VWA8: variants seen among roughly 807,000 people sequenced by gnomAD.
The protein encoded by VWA8 is von Willebrand factor A domain-containing protein 8.
A neutral mutation model predicts 241.5 loss-of-function variants in VWA8; 221 were observed. The ratio of observed to expected loss-of-function variants is 0.91; its 90% CI spans 0.82 to 1.02. The LOEUF (loss-of-function observed/expected upper bound fraction) is 1.02, where lower values mean the gene tolerates loss of function less well. Ranked by LOEUF, VWA8 falls within the 50% of genes least tolerant of loss-of-function variation. The pLI is 0.00. For synonymous variants in VWA8, 852 were observed against 827.1 expected (o/e 1.03, Z -0.52); for missense variants, 2,322 against 2,328.7 (o/e 1.00, Z 0.06).
chr13:41,778,911 G>C (rs1047238104), intron 19 of VWA8, among the ~76,000 whole-genome samples: 4 of 136,290 alleles, frequency 2.9e-5, no homozygotes, highest in Admixed American at 8.4e-5. Flanking sequence ...GCGCGATCTC[G>C]GCTCACTGCA....
Position 41,961,065 on chromosome 13 carries a change from G to A in VWA8, c.-50C>T. 5.2e-6 allele frequency: 7 copies of A among 1,349,724 alleles called. No homozygotes were observed. The highest frequency in any genetic ancestry group is 6.6e-6 in the Non-Finnish European group (7 of 1,054,848). The allele number at this position is 1,349,724 out of a possible 1,614,324, so 83.6% of individuals were successfully genotyped here. A position where few individuals can be genotyped will look rare whatever the true frequency, so the allele number is the denominator to read the frequency against. ...GGCGAGGGGGCTCGGGGATCGAGCGGCGTCCCGTGCAGGCACCGTGAGGCA... is the reference window on the plus strand; with the variant it reads ...GGCGAGGGGGCTCGGGGATCGAGCGACGTCCCGTGCAGGCACCGTGAGGCA... On this transcript the variant is annotated 5_prime_UTR_variant, in exon 1 of 45. Coordinates refer to ENST00000379310, the MANE Select transcript of VWA8 (RefSeq NM_015058.2).
chr13:41,883,501 A>G lies in VWA8; in HGVS notation c.976-10T>C. ...TCATAGGAAAGGAATCCTATGTAGG[A>G]GCAAAAATACATAGGAATGAGCAAA... On this transcript the variant is annotated splice_polypyrimidine_tract_variant and intron_variant, in intron 8 of 44. Coordinates refer to ENST00000379310, the MANE Select transcript of VWA8 (RefSeq NM_015058.2). 6.3e-7 allele frequency: 1 copy of G among 1,589,796 alleles called. No homozygotes were observed. Among genetic ancestry groups the G allele is most frequent in the Non-Finnish European group, 8.6e-7 (1 of 1,158,808 alleles).
At chr13:41,622,491 A>T (rs553431915) in intron 37 of VWA8, among the ~76,000 whole-genome samples, 13 of 152,318 alleles carry the variant, frequency 8.5e-5, no homozygotes, top group African/African-American at 2.6e-4. Flanking sequence ...ACTTAAAGGG[A>T]TCAAAAATTT....
chr13:41,924,036 A>G (rs1165345724), intron 2 of VWA8, among the ~76,000 whole-genome samples: 2 of 152,158 alleles, frequency 1.3e-5, no homozygotes, highest in African/African-American at 4.8e-5. Flanking sequence ...AAGGAACATA[A>G]TAATTCCCCA....
In VWA8 at chr13:41,701,344, A is replaced by T. The variant is rs574055579; in HGVS notation, c.3364+48T>A. ...TAGAGATTATTTTAATCCATCTTTTAAAAAAACATGTGCAGGAAGGAAAGA... is the reference window on the plus strand; with the variant it reads ...TAGAGATTATTTTAATCCATCTTTTTAAAAAACATGTGCAGGAAGGAAAGA... On this transcript the variant is annotated intron_variant, in intron 28 of 44. Transcript: ENST00000379310. The T allele has an allele frequency of 4.7e-6, 7 of 1,477,354 alleles. No individual in the cohort carries two copies. The South Asian group carries it at 1.1e-4, about 22-fold the overall frequency. The allele number at this position is 1,477,354 out of a possible 1,614,324, so 91.5% of individuals were successfully genotyped here.
intron 20 of VWA8, among the ~76,000 whole-genome samples, chr13:41,777,107 C>T (rs1482341173): frequency 1.3e-5 from 2 of 152,060 alleles, no homozygotes; most frequent in African/African-American, 2.4e-5. Flanking sequence ...TCATACGTTC[C>T]TCCATAAACA....
chr13:41,815,097 G>A (rs778420369), intron 16 of VWA8, among the ~76,000 whole-genome samples: 3 of 152,194 alleles, frequency 2.0e-5, no homozygotes, highest in Non-Finnish European at 4.4e-5. Flanking sequence ...GAGTAAACAT[G>A]CAGCTATCCA....
intron 12 of VWA8, among the ~76,000 whole-genome samples, chr13:41,833,770 T>C (rs1366514951): frequency 2.0e-5 from 3 of 152,194 alleles, no homozygotes; most frequent in Non-Finnish European, 4.4e-5. Context: ...GAGGTTTTTT[T>C]CCCTACTTTA....
chr13:41,574,268 T>A (rs1164092583), intron 43 of VWA8, among the ~76,000 whole-genome samples: 1 of 151,698 alleles, frequency 6.6e-6, no homozygotes, highest in Admixed American at 6.6e-5. Flanking sequence ...GTAACACTGC[T>A]ATATGCCAAC....
intron 2 of VWA8, among the ~76,000 whole-genome samples, chr13:41,921,985 T>C (rs1266418759): frequency 6.6e-6 from 1 of 152,206 alleles, no homozygotes; most frequent in Non-Finnish European, 1.5e-5. Flanking sequence ...AAGTCAATCC[T>C]AAGCCAATAG....
At chr13:41,787,586 A>G (rs1204870913) in intron 17 of VWA8, 43 bp from the exon 18 acceptor site, 1 of 1,227,216 alleles carries the variant, frequency 8.1e-7, no homozygotes, top group South Asian at 1.2e-5. Context: ...GCTTAAGTCA[A>G]AGCTTTCTGC....
intron 35 of VWA8, among the ~76,000 whole-genome samples, chr13:41,677,365 C>T (rs1432649411): frequency 6.6e-6 from 1 of 152,188 alleles, no homozygotes; most frequent in Non-Finnish European, 1.5e-5. Context: ...TCATTAGCTG[C>T]CACCATGGTG....
At chr13:41,668,356 T>A (rs1362354156) in intron 37 of VWA8, among the ~76,000 whole-genome samples, 2 of 152,150 alleles carry the variant, frequency 1.3e-5, no homozygotes, top group Non-Finnish European at 1.5e-5. Context: ...TAGATGGAGA[T>A]CAGGTTACTC....
chr13:41,586,392 A>C (rs1232760902), intron 42 of VWA8, among the ~76,000 whole-genome samples: 1 of 152,204 alleles, frequency 6.6e-6, no homozygotes, highest in Non-Finnish European at 1.5e-5. Flanking sequence ...AGGGAAACAA[A>C]GCTACTCCCC....
At chr13:41,918,849 A>G (rs1299427733) in intron 2 of VWA8, among the ~76,000 whole-genome samples, 8 of 152,224 alleles carry the variant, frequency 5.3e-5, no homozygotes, top group Admixed American at 3.9e-4. Context: ...AACACTAGAT[A>G]CGTTTCACAA....
chr13:41,959,529 ATTGC>A, intron 1 of VWA8, among the ~76,000 whole-genome samples: 2 of 150,126 alleles, frequency 1.3e-5, no homozygotes. Flanking sequence ...AAAATTTGAA[ATTGC>A]AACACTATGG....
At chr13:41,845,861 G>A (rs569373425) in intron 12 of VWA8, among the ~76,000 whole-genome samples, 2 of 152,160 alleles carry the variant, frequency 1.3e-5, no homozygotes, top group Non-Finnish European at 2.9e-5. Flanking sequence ...GGTGAGGGCT[G>A]AAAAATAACT....
At chr13:41,592,091 A>G (rs1480004648) in intron 40 of VWA8, among the ~76,000 whole-genome samples, 2 of 151,344 alleles carry the variant, frequency 1.3e-5, no homozygotes, top group Non-Finnish European at 1.5e-5. Context: ...GATAGACTGG[A>G]TTAAGAAAAT....
At chr13:41,701,907 C>T (rs941801157) in intron 27 of VWA8, among the ~76,000 whole-genome samples, 4 of 152,180 alleles carry the variant, frequency 2.6e-5, no homozygotes, top group African/African-American at 9.7e-5. Context: ...TGAGCCAGAG[C>T]CTGATGCATT....
Sources: allele counts gnomAD v4.1 joint callset (sites outside exome capture counted in the v4.1 genomes callset), GRCh38; gene constraint gnomAD v4.1.1; transcripts MANE v1.5; gene names NCBI Gene and HGNC (gene_info 2026-07-23, HGNC 2026-07-21).